Variants in ARFGAP3 observed in about 807,000 individuals in gnomAD.
ARFGAP3 encodes the protein ARF GTPase activating protein 3, also known as ADP-ribosylation factor GTPase-activating protein 3.
ARFGAP3 carries 72 observed loss-of-function variants against 75.0 expected under a neutral mutation model. The ratio of observed to expected loss-of-function variants is 0.96; its 90% confidence interval spans 0.79 to 1.17. The LOEUF (loss-of-function observed/expected upper bound fraction) is 1.17. Ranked by LOEUF, ARFGAP3 falls within the 50% of genes most tolerant of loss-of-function variation. The probability of loss-of-function intolerance (pLI) is 0.00; values close to 1 mark genes in which losing one functional copy is unlikely to be tolerated. For synonymous variants in ARFGAP3, 221 were observed against 217.9 expected, an observed-to-expected ratio of 1.01 and a Z score of -0.13; for missense variants, 620 against 626.6, an observed-to-expected ratio of 0.99 and a Z score of 0.11.
intron 14 of ARFGAP3, 108 bp downstream of exon 14, chr22:42,806,965 C>T (rs1925150571): frequency 1.6e-5 from 18 of 1,155,716 alleles, no homozygotes; most frequent in Non-Finnish European, 2.1e-5. Flanking sequence ...ATCAGAGCAT[C>T]GAATAATGGT....
At chr22:42,831,808 G>A in intron 5 of ARFGAP3, 172 bp from the exon 6 acceptor site, 6 of 916,734 alleles carry the variant, frequency 6.5e-6, no homozygotes, top group Non-Finnish European at 6.5e-6. Flanking sequence ...TTAGAAACAG[G>A]GTCTTGCTCT....
chr22:42,821,876 T>G (rs892510436), intron 9 of ARFGAP3, among the ~76,000 whole-genome samples: 1 of 152,328 alleles, frequency 6.6e-6, no homozygotes, highest in East Asian at 1.9e-4. Context: ...TTCAAATTTC[T>G]CCACATCCTA....
chr22:42,854,135 G>T lies in ARFGAP3; in HGVS notation c.69+2979C>A, dbSNP rs972097508. On this transcript the variant is annotated intron_variant, in intron 1 of 15. Transcript: ENST00000263245. ...CAGAAAACATACCACCTGCCGTCCT[G>T]CATCTGCCCTTCATCTGTCCACTAG... is the stretch of plus-strand genomic sequence containing the variant. Among the ~76,000 whole-genome samples, 2 of 152,166 alleles carry T rather than the reference G, an allele frequency of 1.3e-5. 1 individual carries two copies. Among genetic ancestry groups the T allele is most frequent in the African/African-American group, 4.8e-5 (2 of 41,428 alleles).
intron 14 of ARFGAP3, 28 bp from the exon 15 acceptor site, chr22:42,799,188 A>C: frequency 6.2e-7 from 1 of 1,611,142 alleles, no homozygotes. Context: ...ACACTGTCTC[A>C]TCACTGCCCT....
intron 1 of ARFGAP3, among the ~76,000 whole-genome samples, chr22:42,854,550 G>C (rs1927416869): frequency 6.6e-6 from 1 of 152,052 alleles, no homozygotes; most frequent in Non-Finnish European, 1.5e-5. Context: ...GCTTGAACCT[G>C]GGAGGAGGAG....
chr22:42,856,510 A>G lies in ARFGAP3; in HGVS notation c.69+604T>C, dbSNP rs187772105. On this transcript the variant is annotated intron_variant, in intron 1 of 15. Coordinates refer to ENST00000263245, the MANE Select transcript of ARFGAP3 (RefSeq NM_014570.5). ...AACAGCCTCTGGAGACAAAAAAAAA[A>G]AGGAAACCTCCATCTCCAAAGAGAA... 3.7e-3 allele frequency among the ~76,000 whole-genome samples: 563 copies of G among 152,304 alleles called. 2 individuals carry two copies. Among genetic ancestry groups the G allele is most frequent in the African/African-American group, 0.013 (545 of 41,586 alleles).
intron 14 of ARFGAP3, among the ~76,000 whole-genome samples, chr22:42,803,862 A>AT (rs1175975426): frequency 6.9e-6 from 1 of 145,548 alleles, no homozygotes; most frequent in African/African-American, 2.5e-5. Flanking sequence ...CACAGAACTG[A>AT]TTGTTTCCTT....
chr22:42,807,074 T>G lies in ARFGAP3; in HGVS notation c.1410A>C (p.Ala470=). The part of the protein sequence containing the change: ...DLFEEPRKQP[A]GNYSLSSVLP... The stretch of plus-strand genomic sequence containing the variant: ...CAGCTCTTGTTCAGTGCCCCCTACC[T>G]GCTGGCTGCTTCCTCGGCTCCTCGA... Residue 470 remains alanine (A), a splice_region_variant and synonymous_variant, in exon 14 of 16, where the codon GCA becomes GCC. Coordinates refer to ENST00000263245, the MANE Select transcript of ARFGAP3 (RefSeq NM_014570.5). 6.2e-7 allele frequency: 1 copy of G among 1,609,660 alleles called. No homozygotes were observed. The highest frequency in any genetic ancestry group is 8.5e-7 in the Non-Finnish European group (1 of 1,178,088).
At chr22:42,856,314 G>C (rs985985418) in intron 1 of ARFGAP3, among the ~76,000 whole-genome samples, 1 of 152,228 alleles carries the variant, frequency 6.6e-6, no homozygotes, top group African/African-American at 2.4e-5. Context: ...GGAAGTGACA[G>C]TGGGAACCAG....
chr22:42,808,295 G>A (rs1385352101), intron 13 of ARFGAP3, among the ~76,000 whole-genome samples: 3 of 151,806 alleles, frequency 2.0e-5, no homozygotes, highest in Non-Finnish European at 4.4e-5. Context: ...CTACTTGGGA[G>A]GCTGAGGCAG....
Position 42,839,588 on chromosome 22 carries a change from ACT to A in ARFGAP3, c.261+1354_261+1355del, listed in dbSNP as rs546183478. Reference sequence around the variant, plus strand: ...ACTCCAGCCTGGGCAACAGAGCCAAACTCTGTCTCAAAAAAAAAAAAAAAAGA... The same window carrying A: ...ACTCCAGCCTGGGCAACAGAGCCAAACTGTCTCAAAAAAAAAAAAAAAAGA... On this transcript the variant is annotated intron_variant, in intron 3 of 15. Transcript: ENST00000263245. Among the ~76,000 whole-genome samples, 18 of 132,746 alleles carry A rather than the reference ACT, an allele frequency of 1.4e-4. No individual in the cohort carries two copies. In the East Asian group the frequency reaches 3.4e-3, roughly 25 times the overall value. 87.1% of individuals were successfully genotyped at this position (132,746 alleles called of 152,430 possible). A position where few individuals can be genotyped will look rare whatever the true frequency, so the allele number is the denominator to read the frequency against.
In ARFGAP3 at chr22:42,817,130, G is replaced by C; in HGVS notation, c.1064+12C>G. 1.3e-6 allele frequency: 2 copies of C among 1,563,652 alleles called. No individual in the cohort carries two copies. The highest frequency in any genetic ancestry group is 2.2e-5 in the South Asian group (2 of 89,884). ...CAAAATGACACTTCAACGATGATTT[G>C]TAATACAGTACCTTGAGCTGGAAGT... On this transcript the variant is annotated intron_variant, in intron 11 of 15. Transcript: ENST00000263245.
At chr22:42,806,060 C>G (rs1925106904) in intron 14 of ARFGAP3, among the ~76,000 whole-genome samples, 1 of 152,244 alleles carries the variant, frequency 6.6e-6, no homozygotes, top group African/African-American at 2.4e-5. Flanking sequence ...CAGCTGTTCT[C>G]TGTGGCTGTA....
At position 42,807,065 on chromosome 22, in the gene ARFGAP3, C is replaced by A. The variant is rs575401152; in HGVS notation, c.1411+8G>T. On this transcript the variant is annotated splice_region_variant and intron_variant, in intron 14 of 15. Transcript: ENST00000263245. ...GACAGAGACCAGCTCTTGTTCAGTG[C>A]CCCCTACCTGCTGGCTGCTTCCTCG... 1.0e-4 allele frequency: 161 copies of A among 1,604,946 alleles called. No individual in the cohort carries two copies. The South Asian group carries it at 1.6e-3, about 16-fold the overall frequency.
At chr22:42,852,434 A>G (rs1927318456) in intron 1 of ARFGAP3, among the ~76,000 whole-genome samples, 1 of 151,846 alleles carries the variant, frequency 6.6e-6, no homozygotes, top group Admixed American at 6.6e-5. Flanking sequence ...ATCTTGGTTC[A>G]CTGCAACCTC....
intron 1 of ARFGAP3, among the ~76,000 whole-genome samples, chr22:42,849,603 A>C (rs1927182762): frequency 7.4e-6 from 1 of 135,906 alleles, no homozygotes; most frequent in Non-Finnish European, 1.5e-5. Context: ...TGGCTCTGTC[A>C]CCTAGGTTGG....
rs1926479271 is a variant in ARFGAP3, at chr22:42,835,456, T to C, written c.299A>G (p.Asp100Gly). Residue 100 changes from aspartate (D) to glycine (G), a missense_variant, in exon 4 of 16, where the codon GAC becomes GGC. By Grantham distance (94) the Asp-to-Gly change is moderately conservative. Transcript: ENST00000263245. ...FFHQHGCSTN[D>G]TNAKYNSRAA... Reference sequence around the variant, plus strand: ...ACGACTGTTGTACTTGGCATTGGTGTCATTGGTGGAACACCCATGTTGATG... The same window carrying C: ...ACGACTGTTGTACTTGGCATTGGTGCCATTGGTGGAACACCCATGTTGATG... 6.2e-7 allele frequency: 1 copy of C among 1,613,970 alleles called. No homozygotes were observed. The highest frequency in any genetic ancestry group is 1.3e-5 in the African/African-American group (1 of 74,908).
intron 5 of ARFGAP3, among the ~76,000 whole-genome samples, chr22:42,831,957 A>G (rs561320037): frequency 2.0e-5 from 3 of 151,858 alleles, no homozygotes; most frequent in Non-Finnish European, 4.4e-5. Context: ...TAAAGTTTAA[A>G]TTTTTTGTAG....
At position 42,810,775 on chromosome 22, in the gene ARFGAP3, G is replaced by T. The variant is rs112659123; in HGVS notation, c.1196+38C>A. 96 of 1,565,662 alleles carry T rather than the reference G, an allele frequency of 6.1e-5. 1 individual carries two copies. In the African/African-American group the frequency reaches 1.0e-3, roughly 17 times the overall value. On this transcript the variant is annotated intron_variant, in intron 12 of 15. Coordinates refer to ENST00000263245, the MANE Select transcript of ARFGAP3 (RefSeq NM_014570.5). ...CAGCAATTTTTTCCCAGAAATGCAT[G>T]GATTCACTACTACAACCCCACAGTT...
Sources: allele counts gnomAD v4.1 joint callset (sites outside exome capture counted in the v4.1 genomes callset), GRCh38; gene constraint gnomAD v4.1.1; transcripts MANE v1.5; gene names NCBI Gene and HGNC (gene_info 2026-07-23, HGNC 2026-07-21).